The following GRM7 variants were observed in gnomAD, a reference collection of about 807,000 sequenced individuals.
GRM7 encodes the protein glutamate metabotropic receptor 7.
A neutral mutation model predicts 84.5 loss-of-function variants in GRM7; 35 were observed. The observed-to-expected ratio is 0.41, with a 90% CI of 0.32 to 0.55. The LOEUF is 0.55. GRM7 is among the 20% of genes least tolerant of loss of function. GRM7 has a pLI of 0.19. For synonymous variants in GRM7, 487 were observed against 455.1 expected (o/e 1.07, Z -0.89); for missense variants, 1,003 against 1,194.6 (o/e 0.84, Z 2.36).
intron 1 of GRM7, among the ~76,000 whole-genome samples, chr3:6,881,536 A>G (rs1353445733): frequency 2.6e-5 from 4 of 152,180 alleles, no homozygotes; most frequent in African/African-American, 7.2e-5. Context: ...TATCCAGTCT[A>G]TTGTTGATGG....
chr3:7,204,726 C>T (rs1206577325), intron 2 of GRM7, among the ~76,000 whole-genome samples: 1 of 152,226 alleles, frequency 6.6e-6, no homozygotes, highest in Non-Finnish European at 1.5e-5. Context: ...GACTGCCAGA[C>T]AGACCATTGC....
chr3:7,560,340 G>C (rs1346139334), intron 7 of GRM7: 1 of 152,038 alleles, frequency 6.6e-6, no homozygotes, highest in Non-Finnish European at 1.5e-5. Context: ...GGCCCCTGTG[G>C]AGGAAAATGA....
At chr3:6,881,921 T>TTGTGTGTGTG (rs3060190) in intron 1 of GRM7, among the ~76,000 whole-genome samples, 1,805 of 144,678 alleles carry the variant, frequency 0.012, 40 homozygotes, top group African/African-American at 0.042. Context: ...GGCAATTGAA[T>TTGTGTGTGTG]TGTGTGTGTG....
At chr3:6,892,052 C>T (rs1039166547) in intron 1 of GRM7, among the ~76,000 whole-genome samples, 13 of 152,156 alleles carry the variant, frequency 8.5e-5, no homozygotes, top group Admixed American at 2.0e-4. Flanking sequence ...GCATTCTTCA[C>T]GTAGTTCTCG....
rs888378162 is a variant in GRM7, at chr3:7,133,529, A to T, written c.520-12923A>T. ...ATTACCTAGCCCAAATGTCAACATC[A>T]CCAAGTTTGAGAAATCCTGCTCTAC... is the stretch of plus-strand genomic sequence containing the variant. On this transcript the variant is annotated intron_variant, in intron 1 of 9. Transcript: ENST00000357716. Among the ~76,000 whole-genome samples the T allele has an allele frequency of 2.6e-5, 4 of 152,182 alleles. No homozygotes were observed. In the South Asian group the frequency reaches 8.3e-4, roughly 32 times the overall value.
Position 6,891,853 on chromosome 3 carries a change from G to A in GRM7, c.519+29946G>A, listed in dbSNP as rs541390649. On this transcript the variant is annotated intron_variant, in intron 1 of 9. Coordinates refer to ENST00000357716, the MANE Select transcript of GRM7 (RefSeq NM_000844.4). The stretch of plus-strand genomic sequence containing the variant: ...TTTCCAACTTGGTTCTATTCTCCCC[G>A]TCACTTTCAGGTAGGCCAATCAGAC... Among the ~76,000 whole-genome samples, 44 of 152,198 alleles carry A rather than the reference G, an allele frequency of 2.9e-4. 1 individual carries two copies. In the South Asian group the frequency reaches 4.4e-3, roughly 15 times the overall value.
At chr3:7,128,275 G>C (rs1363752668) in intron 1 of GRM7, among the ~76,000 whole-genome samples, 3 of 151,466 alleles carry the variant, frequency 2.0e-5, no homozygotes, top group Non-Finnish European at 4.4e-5. Flanking sequence ...ATTTTAGCTG[G>C]GAAGTTATAT....
chr3:7,298,615 TA>T, intron 2 of GRM7, 68 bp from the exon 3 acceptor site: 1 of 1,347,394 alleles, frequency 7.4e-7, no homozygotes, highest in Non-Finnish European at 1.1e-6. Context: ...CCTCCTCATC[TA>T]CCTTCCTTGG....
chr3:6,948,505 G>T (rs768656508), intron 1 of GRM7, among the ~76,000 whole-genome samples: 3 of 152,216 alleles, frequency 2.0e-5, no homozygotes, highest in Admixed American at 6.5e-5. Flanking sequence ...TAGGTGTGGT[G>T]TGGTTCTGAG....
chr3:7,379,274 C>A (rs955466570), intron 4 of GRM7, among the ~76,000 whole-genome samples: 7 of 152,038 alleles, frequency 4.6e-5, no homozygotes, highest in African/African-American at 1.7e-4. Flanking sequence ...TGGGTTTCAC[C>A]ATGTTGCCCA....
At chr3:7,285,830 T>A (rs1461988201) in intron 2 of GRM7, among the ~76,000 whole-genome samples, 1 of 150,650 alleles carries the variant, frequency 6.6e-6, no homozygotes, top group Non-Finnish European at 1.5e-5. Context: ...TATTTATGAT[T>A]TTTTTCCTTC....
chr3:7,322,839 C>T (rs1031569740), intron 4 of GRM7, among the ~76,000 whole-genome samples: 6 of 151,912 alleles, frequency 3.9e-5, no homozygotes, highest in African/African-American at 1.5e-4. Flanking sequence ...GCACAAAATT[C>T]GTTATCCTCT....
chr3:7,294,513 A>G (rs1034917243), intron 2 of GRM7, among the ~76,000 whole-genome samples: 8 of 152,030 alleles, frequency 5.3e-5, no homozygotes, highest in African/African-American at 1.9e-4. Context: ...ACAAAGCACA[A>G]TAATTTACCC....
Position 7,314,736 on chromosome 3 carries a change from T to C in GRM7, c.1033+8084T>C, listed in dbSNP as rs574138945. The stretch of plus-strand genomic sequence containing the variant: ...TTTAAGATAATTGATTTAAATTCTT[T>C]GTTTAGTAAGTCCAATGTCTGGGCT... On this transcript the variant is annotated intron_variant, in intron 4 of 9. Transcript: ENST00000357716. 1.2e-3 allele frequency among the ~76,000 whole-genome samples: 188 copies of C among 152,258 alleles called. 8 individuals carry two copies. In the South Asian group the frequency reaches 0.037, roughly 30 times the overall value.
At chr3:7,415,925 A>G (rs563243483) in intron 5 of GRM7, among the ~76,000 whole-genome samples, 12 of 152,148 alleles carry the variant, frequency 7.9e-5, no homozygotes, top group Non-Finnish European at 1.6e-4. Context: ...GCATATAACT[A>G]AGGAAGTTTA....
chr3:7,509,436 G>A (rs1035005461), intron 7 of GRM7, among the ~76,000 whole-genome samples: 1 of 152,132 alleles, frequency 6.6e-6, no homozygotes, highest in East Asian at 1.9e-4. Flanking sequence ...GTACTATCTG[G>A]CGTCTACTGG....
intron 1 of GRM7, among the ~76,000 whole-genome samples, chr3:6,914,428 G>A (rs1350967248): frequency 1.3e-5 from 2 of 151,426 alleles, no homozygotes; most frequent in Admixed American, 6.6e-5. Flanking sequence ...TTTTGAGACC[G>A]AGTCTTGCTT....
At chr3:7,397,661 T>C (rs1236737479) in intron 4 of GRM7, among the ~76,000 whole-genome samples, 1 of 152,148 alleles carries the variant, frequency 6.6e-6, no homozygotes, top group African/African-American at 2.4e-5. Flanking sequence ...ACATCACATG[T>C]ACCCCATAAA....
intron 2 of GRM7, among the ~76,000 whole-genome samples, chr3:7,268,100 G>A (rs1279734982): frequency 2.6e-5 from 4 of 152,014 alleles, no homozygotes; most frequent in Non-Finnish European, 5.9e-5. Flanking sequence ...TTTCAAGAAA[G>A]GGAAACCCGT....
Sources: allele counts gnomAD v4.1 joint callset (sites outside exome capture counted in the v4.1 genomes callset), GRCh38; gene constraint gnomAD v4.1.1; transcripts MANE v1.5; gene names NCBI Gene and HGNC (gene_info 2026-07-23, HGNC 2026-07-21).